The following PLXDC2 variants were observed in gnomAD, a reference collection of about 807,000 sequenced individuals.
PLXDC2 encodes the protein plexin domain-containing protein 2.
A neutral mutation model predicts 68.9 loss-of-function variants in PLXDC2; 40 were observed. That is an observed-to-expected ratio of 0.58 (90% CI 0.45 to 0.76). The LOEUF is 0.76. Among genes scored for constraint, PLXDC2 ranks in the 30% least tolerant of loss-of-function variants. PLXDC2 has a pLI of 0.00. For synonymous variants in PLXDC2, 243 were observed against 234.2 expected, an observed-to-expected ratio of 1.04 and a Z score of -0.34; for missense variants, 644 against 661.9, an observed-to-expected ratio of 0.97 and a Z score of 0.30.
intron 4 of PLXDC2, among the ~76,000 whole-genome samples, chr10:20,075,659 G>A (rs1564306015): frequency 6.6e-6 from 1 of 152,176 alleles, no homozygotes. Flanking sequence ...AGGAGCAAGA[G>A]TTGACTCAAT....
At chr10:20,080,386 A>G (rs976466606) in intron 4 of PLXDC2, among the ~76,000 whole-genome samples, 3 of 152,162 alleles carry the variant, frequency 2.0e-5, no homozygotes, top group Non-Finnish European at 4.4e-5. Flanking sequence ...AGGATCAAGG[A>G]AGCCAGTATG....
At chr10:19,909,925 A>C (rs926842032) in intron 1 of PLXDC2, among the ~76,000 whole-genome samples, 6 of 152,172 alleles carry the variant, frequency 3.9e-5, no homozygotes, top group Admixed American at 3.3e-4. Context: ...TGTCATCTTT[A>C]GTGCTGTTCA....
At chr10:20,135,108 G>T (rs948108798) in intron 4 of PLXDC2, among the ~76,000 whole-genome samples, 6 of 152,266 alleles carry the variant, frequency 3.9e-5, no homozygotes, top group Admixed American at 3.9e-4. Context: ...TTTGTCCATG[G>T]ATGGTTGTAT....
At chr10:20,086,522 C>T (rs2131726420) in intron 4 of PLXDC2, among the ~76,000 whole-genome samples, 1 of 151,906 alleles carries the variant, frequency 6.6e-6, no homozygotes, top group East Asian at 1.9e-4. Context: ...GAAATAAGGG[C>T]ATTTTGCATG....
chr10:20,275,063 TAGAG>T (rs1049375281), intron 13 of PLXDC2, among the ~76,000 whole-genome samples: 15 of 152,158 alleles, frequency 9.9e-5, no homozygotes, highest in East Asian at 9.7e-4. Context: ...AAGAATGAAA[TAGAG>T]AGAAAAAAAT....
chr10:19,960,159 A>G (rs1157411604), intron 1 of PLXDC2, among the ~76,000 whole-genome samples: 1 of 145,054 alleles, frequency 6.9e-6, no homozygotes, highest in Non-Finnish European at 1.5e-5. Context: ...AAAGTTTGAT[A>G]CCAGACTGGC....
At chr10:19,966,249 T>C (rs1834247492) in intron 1 of PLXDC2, among the ~76,000 whole-genome samples, 1 of 121,908 alleles carries the variant, frequency 8.2e-6, no homozygotes, top group South Asian at 2.2e-4. Context: ...ATTAGATATG[T>C]GTATATAGTA....
chr10:20,105,835 T>C (rs1833484406), intron 4 of PLXDC2, among the ~76,000 whole-genome samples: 1 of 152,200 alleles, frequency 6.6e-6, no homozygotes, highest in South Asian at 2.1e-4. Context: ...CGAGCTGCTC[T>C]CTAGTGATGT....
At chr10:20,276,209 G>C (rs1836005232) in intron 13 of PLXDC2, among the ~76,000 whole-genome samples, 1 of 152,078 alleles carries the variant, frequency 6.6e-6, no homozygotes, top group South Asian at 2.1e-4. Flanking sequence ...TCATACTCAT[G>C]CCTGTAACTT....
intron 1 of PLXDC2, among the ~76,000 whole-genome samples, chr10:19,906,112 G>C (rs971635999): frequency 3.3e-5 from 5 of 152,162 alleles, no homozygotes; most frequent in Non-Finnish European, 5.9e-5. Flanking sequence ...GAGTGGTATG[G>C]AGCAAAATAA....
At chr10:20,067,031 T>C (rs74507394) in intron 3 of PLXDC2, among the ~76,000 whole-genome samples, 5,732 of 152,282 alleles carry the variant, frequency 0.038, 146 homozygotes, top group South Asian at 0.068. Flanking sequence ...GCCATTACTT[T>C]TAGTGTTTCT....
intron 1 of PLXDC2, among the ~76,000 whole-genome samples, chr10:19,965,504 T>G (rs968247696): frequency 6.6e-6 from 1 of 152,178 alleles, no homozygotes. Flanking sequence ...TTCCTTAGTA[T>G]GTCATCTGGG....
At chr10:19,872,408 G>A (rs957163132) in intron 1 of PLXDC2, among the ~76,000 whole-genome samples, 2 of 152,186 alleles carry the variant, frequency 1.3e-5, no homozygotes, top group African/African-American at 2.4e-5. Flanking sequence ...AATGAAAATC[G>A]GGACTGGAAG....
chr10:20,135,811 G>C (rs1197518851), intron 4 of PLXDC2, among the ~76,000 whole-genome samples: 2 of 152,062 alleles, frequency 1.3e-5, no homozygotes, highest in Non-Finnish European at 2.9e-5. Context: ...AAATTAAGAA[G>C]TCTATGACAT....
At chr10:20,090,453 T>G in intron 4 of PLXDC2, among the ~76,000 whole-genome samples, 1 of 108,088 alleles carries the variant, frequency 9.3e-6, no homozygotes, top group East Asian at 8.5e-4. Flanking sequence ...GGGAGACGAG[T>G]TGTGGAGTTT....
At chr10:19,913,661 T>A (rs1833315333) in intron 1 of PLXDC2, among the ~76,000 whole-genome samples, 1 of 152,296 alleles carries the variant, frequency 6.6e-6, no homozygotes, top group East Asian at 1.9e-4. Context: ...TGATCAATTA[T>A]GATGGATGAA....
chr10:20,238,662 A>AAAATATATATATATGTATGTATATATAT (rs1175526348), intron 12 of PLXDC2, among the ~76,000 whole-genome samples: 2 of 31,726 alleles, frequency 6.3e-5, no homozygotes, highest in Admixed American at 5.9e-4. Context: ...TCTCAAAAAA[A>AAAATATATATATATGTATGTATATATAT]ATATATATAT....
intron 4 of PLXDC2, among the ~76,000 whole-genome samples, chr10:20,081,690 C>A (rs1836561494): frequency 6.6e-6 from 1 of 152,088 alleles, no homozygotes; most frequent in Non-Finnish European, 1.5e-5. Flanking sequence ...TAAAACTACA[C>A]CTCTCTGCAA....
chr10:19,866,536 A>G (rs1837420131), intron 1 of PLXDC2, among the ~76,000 whole-genome samples: 1 of 152,220 alleles, frequency 6.6e-6, no homozygotes, highest in Non-Finnish European at 1.5e-5. Context: ...AAGTCAATTG[A>G]TGAGTAACTT....
Sources: gnomAD v4.1 joint callset for allele counts (sites outside exome capture counted in the v4.1 genomes callset) on GRCh38, gnomAD v4.1.1 for gene constraint, MANE v1.5 for transcripts, NCBI Gene and HGNC (gene_info 2026-07-23, HGNC 2026-07-21) for gene names.